Variants in SOX6 observed in about 807,000 individuals in gnomAD.
SOX6 encodes transcription factor SOX-6.
In SOX6, 11 loss-of-function variants were observed where a neutral mutation model predicts 97.8. The observed-to-expected ratio is 0.11, with a 90% CI of 0.07 to 0.19. The LOEUF is 0.19. Ranked by LOEUF, SOX6 falls within the 10% of genes least tolerant of loss-of-function variation. SOX6 has a pLI of 1.00. For missense variants in SOX6, 810 were observed against 1,039.5 expected (o/e 0.78, Z 3.04); for synonymous variants, 360 against 371.4 (o/e 0.97, Z 0.35).
chr11:15,971,074 C>T lies in SOX6; in HGVS notation c.*1735G>A, dbSNP rs191236891. On this transcript the variant is annotated 3_prime_UTR_variant, in exon 16 of 16. Coordinates refer to ENST00000683767, the MANE Select transcript of SOX6 (RefSeq NM_001367873.1). ...ATAAGTGCAGTTCATTTTGTTCACA[C>T]GTAGGCAGGTCCCCATGTGGCTACA... The T allele has an allele frequency of 1.3e-5, 2 of 152,484 alleles. No individual in the cohort carries two copies. The highest frequency in any genetic ancestry group is 3.9e-4 in the East Asian group (2 of 5,186). 9.4% of individuals were successfully genotyped at this position (152,484 alleles called of 1,614,324 possible).
chr11:16,286,428 G>T (rs564002389), intron 3 of SOX6, among the ~76,000 whole-genome samples: 1 of 152,138 alleles, frequency 6.6e-6, no homozygotes, highest in East Asian at 1.9e-4. Context: ...AGGCCAAATT[G>T]TCTTAAGATA....
At chr11:16,576,998 A>T (rs1311843752) in intron 4 of SOX6, 1 of 152,184 alleles carries the variant, frequency 6.6e-6, no homozygotes, top group Non-Finnish European at 1.5e-5. Context: ...ACCTGCTGGG[A>T]GCGGGAGACC....
At chr11:16,269,393 C>T (rs1854178605) in intron 3 of SOX6, among the ~76,000 whole-genome samples, 1 of 150,870 alleles carries the variant, frequency 6.6e-6, no homozygotes, top group Non-Finnish European at 1.5e-5. Flanking sequence ...ATATTCCTCA[C>T]TATTCTTGCA....
Position 16,221,600 on chromosome 11 carries a change from G to A in SOX6, c.535+12982C>T, listed in dbSNP as rs1353777460. On this transcript the variant is annotated intron_variant, in intron 4 of 15. Coordinates refer to ENST00000683767, the MANE Select transcript of SOX6 (RefSeq NM_001367873.1). Reference sequence around the variant, plus strand: ...TATTATTATTCAGACCTCAATATTTGGCAAGTGAGGCTTGTCACTTCAAGA... The same window carrying A: ...TATTATTATTCAGACCTCAATATTTAGCAAGTGAGGCTTGTCACTTCAAGA... 2.6e-5 allele frequency among the ~76,000 whole-genome samples: 4 copies of A among 152,172 alleles called. No homozygotes were observed. In the East Asian group the frequency reaches 7.7e-4, roughly 29 times the overall value.
intron 4 of SOX6, among the ~76,000 whole-genome samples, chr11:16,540,171 C>T (rs1004935436): frequency 1.8e-4 from 28 of 152,094 alleles, no homozygotes; most frequent in African/African-American, 6.8e-4. Context: ...ACAACATACG[C>T]AAATCAATAA....
At chr11:16,061,539 A>G (rs1443801306) in intron 9 of SOX6, among the ~76,000 whole-genome samples, 1 of 151,806 alleles carries the variant, frequency 6.6e-6, no homozygotes, top group Non-Finnish European at 1.5e-5. Flanking sequence ...ATTAGAAAAA[A>G]CAATCCTAAA....
intron 1 of SOX6, among the ~76,000 whole-genome samples, chr11:16,425,050 C>T (rs567312497): frequency 2.0e-4 from 31 of 152,326 alleles, no homozygotes; most frequent in African/African-American, 7.5e-4. Flanking sequence ...AACTTTAGAA[C>T]CAGAGGCTTC....
intron 14 of SOX6, among the ~76,000 whole-genome samples, chr11:15,987,453 T>G (rs1040091941): frequency 2.0e-5 from 3 of 152,216 alleles, no homozygotes; most frequent in African/African-American, 7.2e-5. Flanking sequence ...GAAGAATTCT[T>G]GGTGCTCTTG....
At chr11:16,249,870 A>G (rs2134197481) in intron 3 of SOX6, among the ~76,000 whole-genome samples, 1 of 152,338 alleles carries the variant, frequency 6.6e-6, no homozygotes, top group East Asian at 1.9e-4. Flanking sequence ...TTACGAGGTT[A>G]ATTCCAGTAC....
At chr11:16,159,944 G>T (rs1169093958) in intron 6 of SOX6, among the ~76,000 whole-genome samples, 1 of 152,098 alleles carries the variant, frequency 6.6e-6, no homozygotes, top group South Asian at 2.1e-4. Flanking sequence ...TTCTGCCGTA[G>T]ACAAAGTCAT....
At chr11:16,574,310 A>C (rs1847963435) in intron 4 of SOX6, among the ~76,000 whole-genome samples, 1 of 152,152 alleles carries the variant, frequency 6.6e-6, no homozygotes, top group South Asian at 2.1e-4. Flanking sequence ...AAAAGAACGT[A>C]ATAAAGAACC....
At chr11:16,712,962 A>G (rs1001201926) in intron 3 of SOX6, among the ~76,000 whole-genome samples, 1 of 152,152 alleles carries the variant, frequency 6.6e-6, no homozygotes, top group Non-Finnish European at 1.5e-5. Flanking sequence ...TCTCTCCACT[A>G]TATCATGCTG....
Position 16,241,134 on chromosome 11 carries a change from T to C in SOX6, c.446-6463A>G, listed in dbSNP as rs989737613. Among the ~76,000 whole-genome samples, 3 of 152,108 alleles carry C rather than the reference T, an allele frequency of 2.0e-5. No homozygotes were observed. In the East Asian group the frequency reaches 5.8e-4, roughly 29 times the overall value. The stretch of plus-strand genomic sequence containing the variant: ...CCTTTCCTCCACAATTCTTTTTCCA[T>C]AATGCTTTATTTTGTTTGAATTAAA... On this transcript the variant is annotated intron_variant, in intron 3 of 15. Transcript: ENST00000683767.
intron 3 of SOX6, among the ~76,000 whole-genome samples, chr11:16,625,026 C>T (rs1848603652): frequency 6.6e-6 from 1 of 152,082 alleles, no homozygotes; most frequent in African/African-American, 2.4e-5. Context: ...GAATACAAGA[C>T]CTTTGCCAGA....
chr11:16,736,548 T>C (rs1848392482), intron 1 of SOX6: 1 of 152,236 alleles, frequency 6.6e-6, no homozygotes, highest in African/African-American at 2.4e-5. Flanking sequence ...AAATTAAAAT[T>C]ATATAGTAAC....
chr11:16,086,447 C>T (rs570001573), intron 9 of SOX6, among the ~76,000 whole-genome samples: 1 of 152,264 alleles, frequency 6.6e-6, no homozygotes, highest in Non-Finnish European at 1.5e-5. Context: ...GACTCCTGGC[C>T]TGAGGCAGGC....
intron 3 of SOX6, among the ~76,000 whole-genome samples, chr11:16,696,831 T>C (rs1206908455): frequency 2.6e-5 from 4 of 152,190 alleles, no homozygotes; most frequent in African/African-American, 9.7e-5. Flanking sequence ...GTTTGCCACA[T>C]TGATTGACTC....
At chr11:16,236,207 T>C (rs1853016130) in intron 3 of SOX6, among the ~76,000 whole-genome samples, 1 of 152,098 alleles carries the variant, frequency 6.6e-6, no homozygotes, top group Non-Finnish European at 1.5e-5. Flanking sequence ...GATGTTCCAA[T>C]GGAGCCTACA....
At chr11:16,720,867 G>C (rs958507897) in intron 2 of SOX6, among the ~76,000 whole-genome samples, 1 of 152,084 alleles carries the variant, frequency 6.6e-6, no homozygotes, top group Non-Finnish European at 1.5e-5. Flanking sequence ...GATCAACTTT[G>C]AGTTTTCCTA....
Sources: allele counts gnomAD v4.1 joint callset (sites outside exome capture counted in the v4.1 genomes callset), GRCh38; gene constraint gnomAD v4.1.1; transcripts MANE v1.5; gene names NCBI Gene and HGNC (gene_info 2026-07-23, HGNC 2026-07-21).